Variants in MIGA1 observed in about 807,000 individuals in gnomAD.
MIGA1 encodes mitoguardin 1.
Under a neutral mutation model 82.0 loss-of-function variants are expected in MIGA1, and 58 were observed. The ratio of observed to expected loss-of-function variants is 0.71; its 90% CI spans 0.57 to 0.88. The LOEUF (loss-of-function observed/expected upper bound fraction) is 0.88, where lower values mean the gene tolerates loss of function less well. MIGA1 is among the 40% of genes least tolerant of loss of function. The pLI is 0.00. For missense variants in MIGA1, 751 were observed against 749.1 expected, an observed-to-expected ratio of 1.00 and a Z score of -0.03; for synonymous variants, 249 against 253.6, an observed-to-expected ratio of 0.98 and a Z score of 0.17.
intron 2 of MIGA1, among the ~76,000 whole-genome samples, chr1:77,792,074 T>G (rs1328048443): frequency 6.6e-6 from 1 of 151,322 alleles, no homozygotes; most frequent in African/African-American, 2.4e-5. Context: ...AAAGAAAGAG[T>G]GGTGAAAGGA....
At chr1:77,823,360 G>A (rs6604877) in intron 7 of MIGA1, among the ~76,000 whole-genome samples, 7,465 of 152,096 alleles carry the variant, frequency 0.049, 252 homozygotes, top group African/African-American at 0.1. Flanking sequence ...TAACCATTGC[G>A]CAGCTCTATA....
At chr1:77,860,424 C>G (rs140148894) in intron 11 of MIGA1, 61 of 248,432 alleles carry the variant, frequency 2.5e-4, no homozygotes, top group Non-Finnish European at 4.3e-4. Flanking sequence ...TCTTTTATTA[C>G]CTCAATCCTG....
Position 77,861,678 on chromosome 1 carries a change from T to C in MIGA1, c.1374+356T>C, listed in dbSNP as rs549695070. On this transcript the variant is annotated intron_variant, in intron 12 of 15. Transcript: ENST00000370791. Reference sequence around the variant, plus strand: ...GGGTAGTACAACAGCAGCAGCTCAGTAGGGCTGGGGAATTGGCTGTATACA... The same window carrying C: ...GGGTAGTACAACAGCAGCAGCTCAGCAGGGCTGGGGAATTGGCTGTATACA... 121 of 193,488 alleles carry C rather than the reference T, an allele frequency of 6.3e-4. 1 individual carries two copies. Among genetic ancestry groups the C allele is most frequent in the Non-Finnish European group, 8.2e-4 (78 of 94,972 alleles). The allele number at this position is 193,488 out of a possible 1,614,324, so 12.0% of individuals were successfully genotyped here. A position where few individuals can be genotyped will look rare whatever the true frequency, so the allele number is the denominator to read the frequency against.
chr1:77,781,504 G>A (rs1475638476), intron 1 of MIGA1, among the ~76,000 whole-genome samples: 3 of 152,058 alleles, frequency 2.0e-5, no homozygotes, highest in African/African-American at 7.3e-5. Flanking sequence ...ATACATGTAG[G>A]CAGGTTTTTA....
rs1271847251 is a variant in MIGA1 at position 77,813,791 on chromosome 1, A to G, written c.695A>G (p.Asn232Ser). 3.1e-6 allele frequency: 5 copies of G among 1,614,252 alleles called. No individual in the cohort carries two copies. Among genetic ancestry groups the G allele is most frequent in the Admixed American group, 1.7e-5 (1 of 60,034 alleles). The change falls in exon 6 of 16, where the codon AAT becomes AGT. Residue 232 changes from asparagine (N) to serine (S), a missense_variant. Asn to Ser is a conservative substitution (Grantham distance 46, BLOSUM62 1). Around this residue, in one of 3 missense-constraint regions of MIGA1, gnomAD observed 482 missense variants for 439.4 expected, o/e 1.10. Transcript: ENST00000370791. The stretch of plus-strand genomic sequence containing the variant: ...TGGGAACAAGCTCTGACCTTTCGCA[A>G]TAGACAGGCTGAAGATGAAGCCTGT...
At chr1:77,810,368 C>A (rs565944307) in intron 5 of MIGA1, among the ~76,000 whole-genome samples, 1 of 150,034 alleles carries the variant, frequency 6.7e-6, no homozygotes, top group African/African-American at 2.5e-5. Flanking sequence ...CCAGACAGAC[C>A]TTCTTAGGCA....
intron 2 of MIGA1, among the ~76,000 whole-genome samples, chr1:77,786,519 C>T (rs536658659): frequency 6.6e-6 from 1 of 152,290 alleles, no homozygotes; most frequent in Non-Finnish European, 1.5e-5. Context: ...TAACAGCACC[C>T]AAGTCACCTC....
At chr1:77,873,175 C>T (rs1434227234) in intron 15 of MIGA1, 55 bp downstream of exon 15, 20 of 1,506,386 alleles carry the variant, frequency 1.3e-5, no homozygotes, top group South Asian at 1.2e-4. Context: ...AAAGGAGATA[C>T]GGTTTTATTC....
At chr1:77,780,514 T>G (rs1681860146) in intron 1 of MIGA1, among the ~76,000 whole-genome samples, 1 of 152,234 alleles carries the variant, frequency 6.6e-6, no homozygotes, top group African/African-American at 2.4e-5. Flanking sequence ...GTCAATTTTC[T>G]TTTTGATACT....
At chr1:77,815,905 AT>A (rs1557908693) in intron 7 of MIGA1, among the ~76,000 whole-genome samples, 1 of 151,196 alleles carries the variant, frequency 6.6e-6, no homozygotes, top group Non-Finnish European at 1.5e-5. Context: ...AATTAAAAAA[AT>A]TTTTTTTGTG....
chr1:77,863,190 T>C (rs1685535706), intron 12 of MIGA1, among the ~76,000 whole-genome samples: 1 of 152,192 alleles, frequency 6.6e-6, no homozygotes, highest in Non-Finnish European at 1.5e-5. Flanking sequence ...AACTCCTAAA[T>C]ATCTTTCAGT....
chr1:77,787,302 C>T (rs571424282), intron 2 of MIGA1, among the ~76,000 whole-genome samples: 3 of 152,194 alleles, frequency 2.0e-5, no homozygotes, highest in South Asian at 4.2e-4. Context: ...TTTGTATTTC[C>T]CTGATGATGT....
At chr1:77,783,425 A>G in intron 2 of MIGA1, 74 bp downstream of exon 2, 1 of 871,884 alleles carries the variant, frequency 1.1e-6, no homozygotes, top group Non-Finnish European at 1.7e-6. Flanking sequence ...ACATTATTTC[A>G]GTTTTATTTG....
chr1:77,870,444 C>T (rs564977334), intron 14 of MIGA1, among the ~76,000 whole-genome samples: 10 of 113,296 alleles, frequency 8.8e-5, no homozygotes, highest in African/African-American at 1.9e-4. Flanking sequence ...ACATCCCAGA[C>T]AGGGCGGCGG....
At chr1:77,868,219 T>G (rs965240636) in intron 14 of MIGA1, 2 of 152,218 alleles carry the variant, frequency 1.3e-5, no homozygotes, top group African/African-American at 4.8e-5. Context: ...CTTCTTAGAA[T>G]AAATATTGTA....
Position 77,815,331 on chromosome 1 carries a change from A to G in MIGA1, c.895+100A>G, listed in dbSNP as rs1056626889. ...TGTCTGTCTTATGTAATAATAGGTT[A>G]CTTAAAAAAAAATAAACTAGCCAAG... On this transcript the variant is annotated intron_variant, in intron 7 of 15. Transcript: ENST00000370791. 18 of 957,560 alleles carry G rather than the reference A, an allele frequency of 1.9e-5. No individual in the cohort carries two copies. In the African/African-American group the frequency reaches 2.4e-4, roughly 13 times the overall value. 59.3% of individuals were successfully genotyped at this position (957,560 alleles called of 1,614,324 possible). A position where few individuals can be genotyped will look rare whatever the true frequency, so the allele number is the denominator to read the frequency against.
At chr1:77,791,676 G>A (rs1682434878) in intron 2 of MIGA1, among the ~76,000 whole-genome samples, 1 of 149,712 alleles carries the variant, frequency 6.7e-6, no homozygotes, top group African/African-American at 2.5e-5. Flanking sequence ...TGGTTCTTGT[G>A]CCTCAGCCTC....
At chr1:77,828,999 A>G (rs1684137022) in intron 7 of MIGA1, among the ~76,000 whole-genome samples, 1 of 152,194 alleles carries the variant, frequency 6.6e-6, no homozygotes, top group Non-Finnish European at 1.5e-5. Context: ...TTTTAATGTC[A>G]TCACATTTTT....
At chr1:77,855,821 G>A (rs1685232102) in intron 8 of MIGA1, among the ~76,000 whole-genome samples, 1 of 151,862 alleles carries the variant, frequency 6.6e-6, no homozygotes, top group African/African-American at 2.4e-5. Flanking sequence ...CAAGGTAAAC[G>A]ATCATATTGA....
Sources: allele counts gnomAD v4.1 joint callset (sites outside exome capture counted in the v4.1 genomes callset), GRCh38; gene constraint gnomAD v4.1.1; regional missense constraint gnomAD v4.1.1; transcripts MANE v1.5; gene names NCBI Gene and HGNC (gene_info 2026-07-23, HGNC 2026-07-21).